Variants in ZBTB16 observed in about 807,000 individuals in gnomAD.
ZBTB16 encodes the protein zinc finger and BTB domain containing 16.
In ZBTB16, 8 loss-of-function variants were observed where a neutral mutation model predicts 56.8. The ratio of observed to expected loss-of-function variants is 0.14; its 90% confidence interval spans 0.08 to 0.25. ZBTB16 has a LOEUF of 0.25. ZBTB16 is among the 10% of genes least tolerant of loss of function. ZBTB16 has a pLI of 1.00. For synonymous variants in ZBTB16, 363 were observed against 368.5 expected, an observed-to-expected ratio of 0.98 and a Z score of 0.17; for missense variants, 625 against 903.0, an observed-to-expected ratio of 0.69 and a Z score of 3.95.
chr11:114,111,156 C>CGCGTGT (rs1555137315), intron 2 of ZBTB16, among the ~76,000 whole-genome samples: 4 of 148,848 alleles, frequency 2.7e-5, no homozygotes, highest in Non-Finnish European at 6.0e-5. Context: ...ATCTGTGCTG[C>CGCGTGT]GTGTGTGTGT....
chr11:114,086,228 C>T (rs1208579413), intron 2 of ZBTB16, among the ~76,000 whole-genome samples: 1 of 152,178 alleles, frequency 6.6e-6, no homozygotes, highest in African/African-American at 2.4e-5. Context: ...CAGGCGTGGC[C>T]AGGAGAGTGG....
chr11:114,193,320 G>A (rs1943540731), intron 4 of ZBTB16, among the ~76,000 whole-genome samples: 1 of 152,178 alleles, frequency 6.6e-6, no homozygotes, highest in African/African-American at 2.4e-5. Context: ...AGACCAAGGT[G>A]GATGCTTTGA....
intron 3 of ZBTB16, among the ~76,000 whole-genome samples, chr11:114,159,938 G>T (rs979070489): frequency 1.5e-5 from 1 of 65,678 alleles, no homozygotes; most frequent in Non-Finnish European, 2.8e-5. Flanking sequence ...CGGGGGAGGC[G>T]GGGGGGAGGC....
chr11:114,233,880 G>A (rs1346303555), intron 4 of ZBTB16, among the ~76,000 whole-genome samples: 1 of 152,180 alleles, frequency 6.6e-6, no homozygotes, highest in Non-Finnish European at 1.5e-5. Context: ...CAAATACACG[G>A]TTTTCCGGGA....
intron 2 of ZBTB16, among the ~76,000 whole-genome samples, chr11:114,104,690 C>T (rs1289792893): frequency 6.6e-6 from 1 of 152,232 alleles, no homozygotes; most frequent in African/African-American, 2.4e-5. Context: ...CTGGGAACAA[C>T]TCACCACAGG....
chr11:114,167,787 TC>T (rs1407176530), intron 3 of ZBTB16, among the ~76,000 whole-genome samples: 2 of 152,218 alleles, frequency 1.3e-5, no homozygotes, highest in African/African-American at 4.8e-5. Flanking sequence ...ATTGGTTCTA[TC>T]TGGTTATCTG....
At chr11:114,113,519 T>C (rs901811411) in intron 2 of ZBTB16, among the ~76,000 whole-genome samples, 13 of 152,204 alleles carry the variant, frequency 8.5e-5, no homozygotes, top group African/African-American at 3.1e-4. Context: ...AAAGGTGAGT[T>C]CATGGCAGCT....
intron 2 of ZBTB16, among the ~76,000 whole-genome samples, chr11:114,145,756 C>T (rs902248322): frequency 6.6e-6 from 1 of 152,046 alleles, no homozygotes; most frequent in African/African-American, 2.4e-5. Flanking sequence ...TGCTACAAAC[C>T]AGTGAATGGT....
At chr11:114,127,714 C>A (rs1229561835) in intron 2 of ZBTB16, among the ~76,000 whole-genome samples, 3 of 152,156 alleles carry the variant, frequency 2.0e-5, no homozygotes, top group Non-Finnish European at 2.9e-5. Context: ...GTCAGAAGAA[C>A]TCAGAAAGGG....
At chr11:114,235,682 C>CTTTCTTTCTCTCTTTCT (rs1944560701) in intron 4 of ZBTB16, among the ~76,000 whole-genome samples, 1 of 36,078 alleles carries the variant, frequency 2.8e-5, no homozygotes, top group African/African-American at 7.5e-5. Context: ...TTCTTTCTTT[C>CTTTCTTTCTCTCTTTCT]TTTCTTTCTT....
In ZBTB16 at chr11:114,063,287, C is replaced by A; in HGVS notation, c.-14C>A. ...AAGGAAAGAAAGCCTCATGCCTGAG[C>A]CGAGGGGAGCACCATGGATCTGACA... On this transcript the variant is annotated 5_prime_UTR_variant, in exon 2 of 7. Coordinates refer to ENST00000335953, the MANE Select transcript of ZBTB16 (RefSeq NM_006006.6). This position sits in a 1 kb window ranked among gnomAD's most constrained non-coding sequence, Gnocchi z 6.5. 6.2e-7 allele frequency: 1 copy of A among 1,613,226 alleles called. No individual in the cohort carries two copies. The highest frequency in any genetic ancestry group is 8.5e-7 in the Non-Finnish European group (1 of 1,179,922).
chr11:114,239,353 T>C (rs1163059385), intron 4 of ZBTB16, among the ~76,000 whole-genome samples: 1 of 152,160 alleles, frequency 6.6e-6, no homozygotes, highest in Non-Finnish European at 1.5e-5. Flanking sequence ...TCAACCCTAC[T>C]GATTTAAGGT....
chr11:114,247,134 C>T, intron 5 of ZBTB16, 64 bp from the exon 6 acceptor site: 1 of 1,609,728 alleles, frequency 6.2e-7, no homozygotes, highest in Non-Finnish European at 8.5e-7. Flanking sequence ...AGAATGTGCC[C>T]TACTGTCCCC....
At chr11:114,074,321 C>T (rs780282354) in intron 2 of ZBTB16, among the ~76,000 whole-genome samples, 1 of 152,154 alleles carries the variant, frequency 6.6e-6, no homozygotes, top group Non-Finnish European at 1.5e-5. Flanking sequence ...CAGATGTGGC[C>T]GACCATAATG....
At chr11:114,111,999 A>AT (rs1439403908) in intron 2 of ZBTB16, among the ~76,000 whole-genome samples, 5 of 152,154 alleles carry the variant, frequency 3.3e-5, no homozygotes, top group Middle Eastern at 6.8e-3. Context: ...CCATTTGTCA[A>AT]TTTTTTTGTG....
intron 2 of ZBTB16, among the ~76,000 whole-genome samples, chr11:114,088,867 C>A (rs1940067361): frequency 6.6e-6 from 1 of 152,200 alleles, no homozygotes; most frequent in South Asian, 2.1e-4. Flanking sequence ...CAGGAATAGG[C>A]CAGGCAGGGC....
chr11:114,209,477 G>A, intron 4 of ZBTB16: 1 of 985,318 alleles, frequency 1.0e-6, no homozygotes, highest in Non-Finnish European at 1.2e-6. Context: ...ATCCCCAGAG[G>A]CCCCTCTCCC....
At chr11:114,097,895 A>C (rs1428781951) in intron 2 of ZBTB16, among the ~76,000 whole-genome samples, 1 of 152,168 alleles carries the variant, frequency 6.6e-6, no homozygotes, top group Non-Finnish European at 1.5e-5. Flanking sequence ...CAACACAGGG[A>C]GGTTTCAGTG....
chr11:114,218,842 A>G (rs907689959), intron 4 of ZBTB16, among the ~76,000 whole-genome samples: 2 of 152,354 alleles, frequency 1.3e-5, no homozygotes, highest in Middle Eastern at 3.4e-3. Context: ...TTCAATGATA[A>G]GAATTTAAAA....
Sources: allele counts gnomAD v4.1 joint callset (sites outside exome capture counted in the v4.1 genomes callset), GRCh38; gene constraint gnomAD v4.1.1; non-coding constraint Gnocchi (gnomAD v3.1); transcripts MANE v1.5; gene names NCBI Gene and HGNC (gene_info 2026-07-23, HGNC 2026-07-21).